DMD: variants seen among roughly 807,000 people sequenced by gnomAD.
DMD encodes the protein mutant dystrophin.
DMD carries 63 observed loss-of-function variants against 330.1 expected under a neutral mutation model. The ratio of observed to expected loss-of-function variants is 0.19; its 90% CI spans 0.16 to 0.24. The LOEUF (loss-of-function observed/expected upper bound fraction) is 0.24, where lower values mean the gene tolerates loss of function less well. Among genes scored for constraint, DMD ranks in the 10% least tolerant of loss-of-function variants. The pLI is 1.00. For synonymous variants in DMD, 1,223 were observed against 959.8 expected (o/e 1.27, Z -5.07); for missense variants, 3,344 against 2,684.1 (o/e 1.25, Z -5.43).
chrX:33,283,933 G>T (rs1222313542), intron 1 of DMD, among the ~76,000 whole-genome samples: 1 of 110,193 alleles, frequency 9.1e-6, no homozygotes, highest in Admixed American at 9.7e-5. Context: ...CAGGAGAATG[G>T]CGTGAACCCG....
intron 63 of DMD, among the ~76,000 whole-genome samples, chrX:31,224,205 G>T (rs2046365671): frequency 8.9e-6 from 1 of 112,057 alleles, no homozygotes; most frequent in Non-Finnish European, 1.9e-5. Context: ...TTTTAATACA[G>T]ATCATGGACC....
chrX:32,495,209 C>T (rs1176465381), intron 19 of DMD, among the ~76,000 whole-genome samples: 3 of 111,942 alleles, frequency 2.7e-5, no homozygotes, highest in Admixed American at 1.9e-4. Context: ...GCCTGCTCAA[C>T]AAGGGCATAA....
intron 44 of DMD, among the ~76,000 whole-genome samples, chrX:32,206,917 G>A (rs2097071803): frequency 8.9e-6 from 1 of 111,896 alleles, no homozygotes; most frequent in South Asian, 3.7e-4. Flanking sequence ...AGTTTTTAAA[G>A]ATGGAACTCC....
At chrX:31,348,786 C>T (rs944429199) in intron 60 of DMD, 152 bp from the exon 61 acceptor site, 9 of 517,374 alleles carry the variant, frequency 1.7e-5, no homozygotes, top group Middle Eastern at 5.1e-4. Context: ...ATTCACTTAC[C>T]GTATATAGTA....
chrX:33,049,495 C>G, intron 1 of DMD, among the ~76,000 whole-genome samples: 1 of 110,829 alleles, frequency 9.0e-6, no homozygotes, highest in East Asian at 2.8e-4. Context: ...AAATTCAAGT[C>G]TCTCGAAAGG....
chrX:32,782,309 TAAG>T (rs1234499354), intron 7 of DMD, among the ~76,000 whole-genome samples: 2 of 111,415 alleles, frequency 1.8e-5, no homozygotes, highest in Non-Finnish European at 3.8e-5. Flanking sequence ...AACAAAAAAC[TAAG>T]AATAGTTTCA....
At chrX:32,181,355 T>G (rs919301958) in intron 44 of DMD, among the ~76,000 whole-genome samples, 3 of 112,054 alleles carry the variant, frequency 2.7e-5, no homozygotes, top group African/African-American at 9.7e-5. Context: ...GAGAACTTTT[T>G]GAAACTGTAG....
intron 2 of DMD, among the ~76,000 whole-genome samples, chrX:32,942,314 G>A (rs995322057): frequency 8.9e-5 from 10 of 112,009 alleles, no homozygotes; most frequent in Non-Finnish European, 1.9e-4. Flanking sequence ...AGGCCGAGGC[G>A]GGTGGATCAC....
chrX:32,562,174 T>C (rs186772843), intron 16 of DMD, among the ~76,000 whole-genome samples: 112 of 111,943 alleles, frequency 1.0e-3, no homozygotes, highest in Admixed American at 4.8e-3. Flanking sequence ...TCTTTTCTCA[T>C]TGTAAGCCTC....
intron 1 of DMD, among the ~76,000 whole-genome samples, chrX:33,305,891 G>A (rs2053755200): frequency 9.0e-6 from 1 of 111,719 alleles, no homozygotes; most frequent in African/African-American, 3.3e-5. Context: ...TATGCACAGA[G>A]GAAAAATTAC....
At chrX:32,259,718 G>A (rs897298505) in intron 43 of DMD, among the ~76,000 whole-genome samples, 2 of 111,540 alleles carry the variant, frequency 1.8e-5, no homozygotes, top group Admixed American at 9.5e-5. Context: ...CTCTGGCTTC[G>A]AAGACTGCTA....
At chrX:31,418,671 C>T (rs1333223053) in intron 60 of DMD, among the ~76,000 whole-genome samples, 1 of 112,289 alleles carries the variant, frequency 8.9e-6, no homozygotes, top group South Asian at 3.7e-4. Context: ...GTGCTCACTT[C>T]CATTTCTTGC....
chrX:32,553,089 C>A (rs1285674838), intron 16 of DMD, among the ~76,000 whole-genome samples: 1 of 111,897 alleles, frequency 8.9e-6, no homozygotes, highest in African/African-American at 3.2e-5. Flanking sequence ...GAATATAAAT[C>A]CCTCAACCCT....
chrX:33,267,295 T>G (rs374183460), intron 1 of DMD, among the ~76,000 whole-genome samples: 2 of 111,068 alleles, frequency 1.8e-5, no homozygotes, highest in East Asian at 5.6e-4. Flanking sequence ...TACCTAGGAA[T>G]ACACCTAACC....
chrX:32,293,661 G>C (rs1193330521), intron 42 of DMD, among the ~76,000 whole-genome samples: 1 of 111,699 alleles, frequency 9.0e-6, no homozygotes, highest in East Asian at 2.8e-4. Flanking sequence ...TCAGAGGCTT[G>C]CTTATTGAAG....
At chrX:32,109,085 A>G (rs759159923) in intron 44 of DMD, among the ~76,000 whole-genome samples, 1 of 111,886 alleles carries the variant, frequency 8.9e-6, no homozygotes, top group Non-Finnish European at 1.9e-5. Context: ...ATTTTTCATA[A>G]TAAACCAATA....
chrX:32,824,062 A>G (rs2078498557), intron 4 of DMD, among the ~76,000 whole-genome samples: 1 of 112,062 alleles, frequency 8.9e-6, no homozygotes, highest in Non-Finnish European at 1.9e-5. Flanking sequence ...ATAATGTATC[A>G]CTGCACATTT....
At chrX:31,477,261 G>A (rs972797642) in intron 59 of DMD, among the ~76,000 whole-genome samples, 3 of 111,284 alleles carry the variant, frequency 2.7e-5, no homozygotes, top group Non-Finnish European at 5.7e-5. Flanking sequence ...GGGTGGCTAG[G>A]AGAAGAATCT....
At chrX:33,317,411 T>C (rs2053947815) in intron 1 of DMD, among the ~76,000 whole-genome samples, 2 of 111,963 alleles carry the variant, frequency 1.8e-5, no homozygotes. Flanking sequence ...TTTTATTCTT[T>C]TTCTATGCTT....
Sources: allele counts gnomAD v4.1 joint callset (sites outside exome capture counted in the v4.1 genomes callset), GRCh38; gene constraint gnomAD v4.1.1; transcripts MANE v1.5; gene names NCBI Gene and HGNC (gene_info 2026-07-23, HGNC 2026-07-21).